PPP2R2B: variants seen among roughly 807,000 people sequenced by gnomAD.
The protein encoded by PPP2R2B is protein phosphatase 2 regulatory subunit Bbeta.
Under a neutral mutation model 46.0 loss-of-function variants are expected in PPP2R2B, and 5 were observed. That is an observed-to-expected ratio of 0.11 (90% CI 0.06 to 0.23). The LOEUF (loss-of-function observed/expected upper bound fraction) is 0.23. Ranked by LOEUF, PPP2R2B falls within the 10% of genes least tolerant of loss-of-function variation. PPP2R2B has a pLI of 1.00. For missense variants in PPP2R2B, 367 were observed against 575.0 expected (o/e 0.64, Z 3.70); for synonymous variants, 215 against 206.7 (o/e 1.04, Z -0.34).
intron 2 of PPP2R2B, among the ~76,000 whole-genome samples, chr5:147,080,172 A>G (rs900776977): frequency 1.3e-5 from 2 of 152,182 alleles, no homozygotes; most frequent in Non-Finnish European, 2.9e-5. Flanking sequence ...TCAGAATTGA[A>G]GTGCTGCAGA....
intron 2 of PPP2R2B, among the ~76,000 whole-genome samples, chr5:146,844,353 T>TAAA (rs541590190): frequency 3.0e-4 from 41 of 136,414 alleles, no homozygotes; most frequent in African/African-American, 1.0e-3. Context: ...TAGAGTATAA[T>TAAA]AAAAAAAAAA....
chr5:147,052,493 C>A (rs1268318150), intron 1 of PPP2R2B, among the ~76,000 whole-genome samples: 1 of 152,112 alleles, frequency 6.6e-6, no homozygotes, highest in East Asian at 1.9e-4. Flanking sequence ...AAGTAAGAAA[C>A]CCAGTTCTTT....
intron 2 of PPP2R2B, among the ~76,000 whole-genome samples, chr5:147,070,396 T>G (rs181421856): frequency 6.6e-6 from 1 of 152,226 alleles, no homozygotes; most frequent in Non-Finnish European, 1.5e-5. Context: ...TAATCCTTAC[T>G]TGAAACCTTG....
intron 2 of PPP2R2B, among the ~76,000 whole-genome samples, chr5:146,877,734 C>A (rs1018456372): frequency 6.6e-6 from 1 of 152,130 alleles, no homozygotes; most frequent in East Asian, 1.9e-4. Flanking sequence ...TCTTTCTGGG[C>A]GAGAGCCCCA....
intron 5 of PPP2R2B, among the ~76,000 whole-genome samples, chr5:146,678,433 A>G (rs1777898001): frequency 7.2e-6 from 1 of 139,590 alleles, no homozygotes; most frequent in Non-Finnish European, 1.5e-5. Flanking sequence ...CACAGCCAAT[A>G]TCATACTGAA....
chr5:147,037,921 G>A (rs1756117822), intron 1 of PPP2R2B, among the ~76,000 whole-genome samples: 1 of 152,128 alleles, frequency 6.6e-6, no homozygotes, highest in African/African-American at 2.4e-5. Flanking sequence ...CTGGCATAAA[G>A]TCAAGACCTA....
At chr5:146,663,025 C>A (rs1776763439) in intron 5 of PPP2R2B, among the ~76,000 whole-genome samples, 1 of 151,970 alleles carries the variant, frequency 6.6e-6, no homozygotes, top group Admixed American at 6.6e-5. Context: ...TAATTTTTAA[C>A]CTTTATGCAT....
At chr5:146,718,788 G>T (rs140384060) in intron 2 of PPP2R2B, among the ~76,000 whole-genome samples, 2 of 152,110 alleles carry the variant, frequency 1.3e-5, no homozygotes, top group Non-Finnish European at 2.9e-5. Flanking sequence ...AGTCACATAC[G>T]CAGTTTGAAT....
chr5:146,691,845 C>T (rs1329426443), intron 4 of PPP2R2B, among the ~76,000 whole-genome samples: 2 of 152,168 alleles, frequency 1.3e-5, no homozygotes, highest in Non-Finnish European at 2.9e-5. Context: ...CTTGCTGTGT[C>T]TTCTGTCTGG....
intron 1 of PPP2R2B, among the ~76,000 whole-genome samples, chr5:147,050,555 C>T (rs572278916): frequency 2.6e-5 from 4 of 152,224 alleles, no homozygotes; most frequent in African/African-American, 7.2e-5. Context: ...GGTTCTAATC[C>T]TAGCCCTTGC....
chr5:146,942,627 C>T (rs1417006258), intron 1 of PPP2R2B, among the ~76,000 whole-genome samples: 1 of 152,114 alleles, frequency 6.6e-6, no homozygotes, highest in Non-Finnish European at 1.5e-5. Context: ...TAACTCCATT[C>T]CCACCAATAA....
At chr5:146,751,728 T>A (rs554039879) in intron 2 of PPP2R2B, among the ~76,000 whole-genome samples, 28 of 152,318 alleles carry the variant, frequency 1.8e-4, no homozygotes, top group Non-Finnish European at 2.4e-4. Context: ...TGAAGAAATA[T>A]TAAACAGAGT....
intron 1 of PPP2R2B, among the ~76,000 whole-genome samples, chr5:146,910,581 C>T (rs545726199): frequency 6.6e-6 from 1 of 152,248 alleles, no homozygotes. Context: ...TAATAGCAAC[C>T]TTCTTCATGG....
At chr5:147,056,086 CT>C, upstream of PPP2R2B, 1 of 1,083,554 alleles carries the variant, frequency 9.2e-7, no homozygotes, top group Non-Finnish European at 1.1e-6. Flanking sequence ...AAACCTCTAC[CT>C]TTTCCCGTGT....
intron 3 of PPP2R2B, among the ~76,000 whole-genome samples, chr5:146,700,466 C>T (rs539858965): frequency 6.6e-6 from 1 of 152,228 alleles, no homozygotes; most frequent in East Asian, 1.9e-4. Flanking sequence ...AGTTAGAACT[C>T]CTGCTCAGAA....
At chr5:146,886,809 C>G (rs1221850644) in intron 1 of PPP2R2B, among the ~76,000 whole-genome samples, 1 of 151,066 alleles carries the variant, frequency 6.6e-6, no homozygotes, top group Admixed American at 6.6e-5. Flanking sequence ...TTTAGATTAT[C>G]ATTTTAAACT....
upstream of PPP2R2B, among the ~76,000 whole-genome samples, chr5:147,057,497 G>A (rs918390636): frequency 6.6e-6 from 1 of 152,182 alleles, no homozygotes; most frequent in Admixed American, 6.5e-5. Flanking sequence ...CTGACAGTTT[G>A]TATCCCAGTG....
intron 2 of PPP2R2B, among the ~76,000 whole-genome samples, chr5:146,790,992 T>C (rs1443848186): frequency 6.6e-6 from 1 of 152,160 alleles, no homozygotes. Flanking sequence ...GTTTAGGCTT[T>C]CTTTTTCTCC....
intron 1 of PPP2R2B, among the ~76,000 whole-genome samples, chr5:146,891,360 A>G (rs941942851): frequency 1.3e-5 from 2 of 152,228 alleles, no homozygotes; most frequent in African/African-American, 4.8e-5. Context: ...TCCACACCCA[A>G]TAAATGTTTG....
Sources: allele counts gnomAD v4.1 joint callset (sites outside exome capture counted in the v4.1 genomes callset), GRCh38; gene constraint gnomAD v4.1.1; transcripts MANE v1.5; gene names NCBI Gene and HGNC (gene_info 2026-07-23, HGNC 2026-07-21).